The following MCM10 variants were observed in gnomAD, a reference collection of about 807,000 sequenced individuals.
MCM10 encodes minichromosome maintenance 10 replication initiation factor.
A neutral mutation model predicts 109.9 loss-of-function variants in MCM10; 91 were observed. The observed-to-expected ratio is 0.83, with a 90% CI of 0.70 to 0.99. The LOEUF is 0.99. Among genes scored for constraint, MCM10 ranks in the 50% least tolerant of loss-of-function variants. The pLI is 0.00. For missense variants in MCM10, 1,077 were observed against 1,061.2 expected, an observed-to-expected ratio of 1.01 and a Z score of -0.21; for synonymous variants, 380 against 387.2, an observed-to-expected ratio of 0.98 and a Z score of 0.22.
Position 13,172,422 on chromosome 10 carries a change from G to C in MCM10, c.396G>C (p.Gln132His). Residue 132 changes from glutamine to histidine, a missense_variant, in exon 4 of 20, where the codon CAG (glutamine) becomes CAC (histidine). Coordinates refer to ENST00000378714, the MANE Select transcript of MCM10 (RefSeq NM_018518.5). This position sits in a 1 kb window ranked among gnomAD's most constrained non-coding sequence, Gnocchi z 5.2. Reference protein sequence around the residue: ...LQEQMKALQEQLKVTTIKQTA... With the variant: ...LQEQMKALQEHLKVTTIKQTA... ...AGCAAATGAAGGCCTTACAAGAGCA[G>C]CTAAAAGTAACAACAATTAAACAGA... 6.2e-7 allele frequency: 1 copy of C among 1,614,150 alleles called. No homozygotes were observed. The highest frequency in any genetic ancestry group is 1.6e-4 in the Middle Eastern group (1 of 6,062).
chr10:13,187,492 C>G (rs1834290705), intron 9 of MCM10, among the ~76,000 whole-genome samples: 1 of 152,160 alleles, frequency 6.6e-6, no homozygotes, highest in African/African-American at 2.4e-5. Flanking sequence ...TGGGCATATA[C>G]CTGGGAGTGG....
chr10:13,191,063 A>T (rs1834340874), intron 10 of MCM10, among the ~76,000 whole-genome samples: 1 of 152,074 alleles, frequency 6.6e-6, no homozygotes, highest in Non-Finnish European at 1.5e-5. Flanking sequence ...CTTTTGCCAA[A>T]TTTCCTTCCA....
intron 2 of MCM10, among the ~76,000 whole-genome samples, chr10:13,164,449 T>C (rs1335900874): frequency 6.6e-6 from 1 of 152,180 alleles, no homozygotes; most frequent in Non-Finnish European, 1.5e-5. Context: ...CTGGTAGGTG[T>C]ACAGTGGGCC....
intron 2 of MCM10, among the ~76,000 whole-genome samples, chr10:13,167,975 G>C (rs545758876): frequency 5.3e-5 from 8 of 152,304 alleles, no homozygotes; most frequent in African/African-American, 1.9e-4. Flanking sequence ...GCGTAATACA[G>C]AGAAGACATG....
chr10:13,164,866 C>T (rs1031160059), intron 2 of MCM10, among the ~76,000 whole-genome samples: 1 of 151,272 alleles, frequency 6.6e-6, no homozygotes, highest in East Asian at 1.9e-4. Flanking sequence ...CAAGACCAGC[C>T]TGGGCAATAG....
At chr10:13,194,946 G>T in intron 13 of MCM10, 95 bp from the exon 14 acceptor site, 1 of 1,087,820 alleles carries the variant, frequency 9.2e-7, no homozygotes, top group South Asian at 1.6e-5. Flanking sequence ...GCTCCCAACT[G>T]GTGGCCTGCC....
intron 6 of MCM10, among the ~76,000 whole-genome samples, chr10:13,179,805 A>G (rs1283886155): frequency 6.6e-6 from 1 of 152,230 alleles, no homozygotes; most frequent in Non-Finnish European, 1.5e-5. Flanking sequence ...TTATTTATGA[A>G]TATTAATTCA....
intron 18 of MCM10, among the ~76,000 whole-genome samples, chr10:13,207,053 G>T (rs1834591479): frequency 6.6e-6 from 1 of 152,072 alleles, no homozygotes; most frequent in South Asian, 2.1e-4. Flanking sequence ...GCTCAAGTGG[G>T]CTCAGCTGCC....
chr10:13,176,766 A>C (rs1834146829), intron 6 of MCM10, among the ~76,000 whole-genome samples: 1 of 152,128 alleles, frequency 6.6e-6, no homozygotes, highest in South Asian at 2.1e-4. Context: ...AGTGGTGTGC[A>C]CCTGTAGTCC....
At chr10:13,173,422 A>C (rs959511387) in intron 5 of MCM10, among the ~76,000 whole-genome samples, 1 of 152,220 alleles carries the variant, frequency 6.6e-6, no homozygotes, top group African/African-American at 2.4e-5. Context: ...TTTTCTGGAA[A>C]AGACTTCTTT....
chr10:13,173,528 T>C (rs761905952), intron 5 of MCM10, among the ~76,000 whole-genome samples: 1 of 152,202 alleles, frequency 6.6e-6, no homozygotes, highest in Non-Finnish European at 1.5e-5. Flanking sequence ...GCCCTATGTA[T>C]TGCTTTTCTT....
At position 13,175,650 on chromosome 10, in the gene MCM10, T is replaced by C. The variant is rs1483863029; in HGVS notation, c.733T>C (p.Cys245Arg). ...GSSGETTQPI[C>R]VEAFSGLRLR... ...TTCTGGGGAAACGACTCAACCCATC[T>C]GTGTGGAAGCCTTCTCTGGTCTGCG... The change falls in exon 6 of 20, where the codon TGT becomes CGT. Residue 245 changes from cysteine to arginine, a missense_variant. Physicochemically the swap from Cys to Arg is radical, Grantham distance 180. Coordinates refer to ENST00000378714, the MANE Select transcript of MCM10 (RefSeq NM_018518.5). 1 of 1,611,742 alleles carries C rather than the reference T, an allele frequency of 6.2e-7. No individual in the cohort carries two copies. The highest frequency in any genetic ancestry group is 1.1e-5 in the South Asian group (1 of 90,820).
intron 8 of MCM10, 89 bp downstream of exon 8, chr10:13,183,189 C>A: frequency 7.0e-7 from 1 of 1,419,268 alleles, no homozygotes; most frequent in South Asian, 1.3e-5. Flanking sequence ...CACACAGTGG[C>A]TCACACCTGT....
intron 17 of MCM10, 182 bp downstream of exon 17, chr10:13,201,716 C>T (rs190480979): frequency 3.4e-6 from 2 of 590,382 alleles, no homozygotes; most frequent in Admixed American, 2.9e-5. Context: ...GGCTGCTGTG[C>T]TCTGCTGATG....
At chr10:13,195,813 G>A (rs1834413548) in intron 14 of MCM10, among the ~76,000 whole-genome samples, 1 of 151,788 alleles carries the variant, frequency 6.6e-6, no homozygotes, top group Non-Finnish European at 1.5e-5. Flanking sequence ...ATGTTGGCCA[G>A]GCTGGTCTCG....
intron 18 of MCM10, among the ~76,000 whole-genome samples, chr10:13,207,104 T>C (rs1834592181): frequency 6.6e-6 from 1 of 152,196 alleles, no homozygotes; most frequent in Admixed American, 6.5e-5. Context: ...CATGCTTGGC[T>C]AGTTCTTGAT....
intron 8 of MCM10, among the ~76,000 whole-genome samples, chr10:13,185,244 C>A (rs1834259439): frequency 6.6e-6 from 1 of 152,092 alleles, no homozygotes; most frequent in Non-Finnish European, 1.5e-5. Flanking sequence ...GGTTTTATAA[C>A]CTGGAGGCTA....
At chr10:13,174,899 C>G (rs967102661) in intron 5 of MCM10, among the ~76,000 whole-genome samples, 1 of 151,956 alleles carries the variant, frequency 6.6e-6, no homozygotes, top group African/African-American at 2.4e-5. Context: ...GAGGCTGAGG[C>G]AGGCGGATCA....
rs1833964584 is a variant in MCM10, at chr10:13,164,206, G to C, written c.4G>C (p.Asp2His). 6.3e-7 allele frequency: 1 copy of C among 1,597,814 alleles called. No homozygotes were observed. Among genetic ancestry groups the C allele is most frequent in the East Asian group, 2.3e-5 (1 of 43,706 alleles). Residue 2 changes from aspartate (D) to histidine (H), a missense_variant, in exon 2 of 20, where the codon GAT becomes CAT. By Grantham distance (81) the Asp-to-His change is moderately conservative (BLOSUM62 -1). Transcript: ENST00000378714. ...TCACAACTGTCCTCTTGACAGCATGGATGGTAAGACCTGGCAGTTTTCTGT... is the reference window on the plus strand; with the variant it reads ...TCACAACTGTCCTCTTGACAGCATGCATGGTAAGACCTGGCAGTTTTCTGT... Reference protein sequence around the residue: MDEEEDNLSLLT... With the variant: MHEEEDNLSLLT...
Sources: gnomAD v4.1 joint callset for allele counts (sites outside exome capture counted in the v4.1 genomes callset) on GRCh38, gnomAD v4.1.1 for gene constraint, Gnocchi (gnomAD v3.1) non-coding constraint, MANE v1.5 for transcripts, NCBI Gene and HGNC (gene_info 2026-07-23, HGNC 2026-07-21) for gene names.